ADD2: variants seen among roughly 807,000 people sequenced by gnomAD.
ADD2 encodes the protein beta-adducin.
In ADD2, 23 loss-of-function variants were observed where a neutral mutation model predicts 83.0. That is an observed-to-expected ratio of 0.28 (90% confidence interval 0.20 to 0.39). The LOEUF (loss-of-function observed/expected upper bound fraction) is 0.39. Ranked by LOEUF, ADD2 falls within the 10% of genes least tolerant of loss-of-function variation. The pLI is 1.00. For missense variants in ADD2, 758 were observed against 944.9 expected (o/e 0.80, Z 2.59); for synonymous variants, 375 against 375.4 (o/e 1.00, Z 0.01).
Position 70,678,713 on chromosome 2 carries a change from G to T in ADD2, c.1374C>A (p.Pro458=). The T allele has an allele frequency of 6.4e-7, 1 of 1,564,160 alleles. No individual in the cohort carries two copies. Among genetic ancestry groups the T allele is most frequent in the Non-Finnish European group, 8.7e-7 (1 of 1,153,550 alleles). ...CTGGGCTCCCCCTTACCGTGGTCTT[G>T]GGTCGGGGGCTGCCCATGCTCCTCT... is the stretch of plus-strand genomic sequence containing the variant. The part of the protein sequence containing the change: ...EVQRSMGSPR[P]KTTWMKADEV... Residue 458 remains proline, a synonymous_variant, in exon 11 of 16, where the codon CCC becomes CCA. Transcript: ENST00000264436.
chr2:70,742,313 G>T (rs1411258077), intron 1 of ADD2, among the ~76,000 whole-genome samples: 7 of 152,108 alleles, frequency 4.6e-5, no homozygotes, highest in Non-Finnish European at 1.0e-4. Context: ...GTATAATCAA[G>T]TACATTACCA....
intron 1 of ADD2, among the ~76,000 whole-genome samples, chr2:70,764,220 T>C (rs1675265500): frequency 6.6e-6 from 1 of 151,926 alleles, no homozygotes; most frequent in Non-Finnish European, 1.5e-5. Flanking sequence ...AGGTACCTAT[T>C]GGAGAGTTAC....
At chr2:70,712,392 T>C (rs1672227334) in intron 2 of ADD2, among the ~76,000 whole-genome samples, 2 of 146,734 alleles carry the variant, frequency 1.4e-5, no homozygotes, top group South Asian at 2.1e-4. Flanking sequence ...TGCAGTGAGC[T>C]GAGATCACAC....
At chr2:70,670,585 G>C (rs532801629) in intron 15 of ADD2, among the ~76,000 whole-genome samples, 7 of 152,318 alleles carry the variant, frequency 4.6e-5, no homozygotes, top group Admixed American at 2.0e-4. Flanking sequence ...AGGCTGATGG[G>C]GTAGGAGTCA....
At chr2:70,719,223 T>C (rs1190814255) in intron 1 of ADD2, among the ~76,000 whole-genome samples, 1 of 152,174 alleles carries the variant, frequency 6.6e-6, no homozygotes, top group Non-Finnish European at 1.5e-5. Flanking sequence ...CAGCCACCTA[T>C]GAGACTTGCT....
intron 1 of ADD2, among the ~76,000 whole-genome samples, chr2:70,751,960 C>T (rs782412585): frequency 2.0e-5 from 3 of 152,200 alleles, no homozygotes; most frequent in African/African-American, 4.8e-5. Context: ...CACAAGGGCA[C>T]ACAAGACACA....
intron 2 of ADD2, among the ~76,000 whole-genome samples, chr2:70,709,300 G>A (rs1399234355): frequency 1.3e-5 from 2 of 150,818 alleles, no homozygotes; most frequent in African/African-American, 4.9e-5. Flanking sequence ...GGAGGTAGGG[G>A]AAGGGGTCTG....
chr2:70,683,628 T>A lies in ADD2; in HGVS notation c.1088A>T (p.His363Leu), dbSNP rs1362340173. ...GPMQKSRLGEHEFEALMRMLD... is the reference protein window; with the variant it reads ...GPMQKSRLGELEFEALMRMLD... ...CATCCTCATGAGGGCCTCAAACTCATGCTCCCCCAGCCGACTCTTCTGCAT... is the reference window on the plus strand; with the variant it reads ...CATCCTCATGAGGGCCTCAAACTCAAGCTCCCCCAGCCGACTCTTCTGCAT... The change falls in exon 10 of 16, where the codon CAT becomes CTT. Residue 363 changes from histidine to leucine, a missense_variant. Around this residue, in one of 5 missense-constraint regions of ADD2, gnomAD observed 394 missense variants for 509.3 expected, o/e 0.77. Transcript: ENST00000264436. 1 of 1,613,728 alleles carries A rather than the reference T, an allele frequency of 6.2e-7. No homozygotes were observed. The highest frequency in any genetic ancestry group is 1.3e-5 in the African/African-American group (1 of 74,906).
intron 7 of ADD2, among the ~76,000 whole-genome samples, chr2:70,691,984 G>A (rs1671065047): frequency 6.6e-6 from 1 of 152,216 alleles, no homozygotes; most frequent in African/African-American, 2.4e-5. Context: ...TTCTTTCCCA[G>A]TTTTGCTTGC....
At position 70,669,437 on chromosome 2, in the gene ADD2, C is replaced by T. The variant is rs539377418; in HGVS notation, c.1870+3441G>A. ...GTTTAGAATGCTATGCTTTATCCGA[C>T]GTTTACTTACCCCCAAAAACTGAGA... On this transcript the variant is annotated intron_variant, in intron 15 of 15. Coordinates refer to ENST00000264436, the MANE Select transcript of ADD2 (RefSeq NM_001617.4). Among the ~76,000 whole-genome samples, 19 of 152,296 alleles carry T rather than the reference C, an allele frequency of 1.2e-4. No homozygotes were observed. The East Asian group carries it at 1.5e-3, about 12-fold the overall frequency.
At chr2:70,712,443 C>CAA (rs11422928) in intron 2 of ADD2, among the ~76,000 whole-genome samples, 214 of 123,150 alleles carry the variant, frequency 1.7e-3, no homozygotes, top group Middle Eastern at 3.9e-3. Flanking sequence ...GACCCTGTCT[C>CAA]AAAAAAAATA....
chr2:70,730,709 T>C (rs1323625215), intron 1 of ADD2, among the ~76,000 whole-genome samples: 1 of 152,252 alleles, frequency 6.6e-6, no homozygotes, highest in African/African-American at 2.4e-5. Flanking sequence ...CATGATTTGG[T>C]CAATGACAGA....
chr2:70,726,003 C>T (rs373974759), intron 1 of ADD2, among the ~76,000 whole-genome samples: 25 of 151,646 alleles, frequency 1.6e-4, no homozygotes, highest in East Asian at 3.9e-4. Flanking sequence ...CCGGCTAAAA[C>T]GGTGAAACCC....
rs1256850935 is a variant in ADD2, at chr2:70,747,398, ATGCTCTCCCATCATGCCATG to A, written c.-154+20468_-154+20487del. On this transcript the variant is annotated intron_variant, in intron 1 of 15. Transcript: ENST00000264436. ...GGTAAGTGCTCTCCCATCATGCCACATGCTCTCCCATCATGCCATGTGCTCTCCCATCATGCCATGTGCTC... is the reference window on the plus strand; with the variant it reads ...GGTAAGTGCTCTCCCATCATGCCACATGCTCTCCCATCATGCCATGTGCTC... Among the ~76,000 whole-genome samples the A allele has an allele frequency of 4.8e-3, 718 of 149,834 alleles. 3 individuals carry two copies. The highest frequency in any genetic ancestry group is 8.3e-3 in the South Asian group (39 of 4,706).
chr2:70,705,952 C>T (rs1671863591), intron 3 of ADD2, among the ~76,000 whole-genome samples: 1 of 152,130 alleles, frequency 6.6e-6, no homozygotes, highest in Admixed American at 6.5e-5. Context: ...ACTGAGGCTC[C>T]GAAGGGGCAC....
chr2:70,686,954 G>A (rs1371276040), intron 9 of ADD2, among the ~76,000 whole-genome samples: 2 of 152,218 alleles, frequency 1.3e-5, no homozygotes, highest in Non-Finnish European at 2.9e-5. Context: ...GTGCCTCCAA[G>A]AGAAAGACCT....
chr2:70,747,721 C>G (rs1434868859), intron 1 of ADD2, among the ~76,000 whole-genome samples: 5 of 152,226 alleles, frequency 3.3e-5, no homozygotes, highest in Non-Finnish European at 7.3e-5. Context: ...TTTATATCTT[C>G]TACACACATT....
chr2:70,679,097 G>T, intron 10 of ADD2, 136 bp from the exon 11 acceptor site: 2 of 1,061,144 alleles, frequency 1.9e-6, no homozygotes, highest in Non-Finnish European at 2.7e-6. Context: ...AAACAATCTA[G>T]GCTTTCCACT....
intron 6 of ADD2, among the ~76,000 whole-genome samples, chr2:70,692,846 G>A (rs79348403): frequency 0.032 from 4,912 of 152,316 alleles, 110 homozygotes; most frequent in Middle Eastern, 0.048. Context: ...TTCTGATTCA[G>A]AGGCTGAGGG....
Sources: gnomAD v4.1 joint callset for allele counts (sites outside exome capture counted in the v4.1 genomes callset) on GRCh38, gnomAD v4.1.1 for gene constraint, gnomAD v4.1.1 regional missense constraint, MANE v1.5 for transcripts, NCBI Gene and HGNC (gene_info 2026-07-23, HGNC 2026-07-21) for gene names.